Variants in SYN3 observed in about 807,000 individuals in gnomAD.
SYN3 encodes the protein synapsin-3.
Under a neutral mutation model 65.8 loss-of-function variants are expected in SYN3, and 35 were observed. The ratio of observed to expected loss-of-function variants is 0.53; its 90% CI spans 0.41 to 0.70. The LOEUF is 0.70. SYN3 is among the 30% of genes least tolerant of loss of function. The probability of loss-of-function intolerance (pLI) is 0.00; values close to 1 mark genes in which losing one functional copy is unlikely to be tolerated. For missense variants in SYN3, 680 were observed against 749.0 expected, an observed-to-expected ratio of 0.91 and a Z score of 1.08; for synonymous variants, 270 against 292.9, an observed-to-expected ratio of 0.92 and a Z score of 0.80.
At chr22:32,684,360 A>G (rs1272258593) in intron 6 of SYN3, among the ~76,000 whole-genome samples, 7 of 152,176 alleles carry the variant, frequency 4.6e-5, no homozygotes, top group Admixed American at 4.6e-4. Flanking sequence ...ACATCATTTC[A>G]GGTCCTAGAT....
intron 6 of SYN3, among the ~76,000 whole-genome samples, chr22:32,724,896 G>A (rs1466390509): frequency 1.3e-5 from 2 of 152,040 alleles, no homozygotes; most frequent in African/African-American, 2.4e-5. Flanking sequence ...TGAGGTGGGC[G>A]GATCATGAGT....
chr22:32,865,041 G>T (rs1601578100), intron 5 of SYN3, 37 bp from the exon 6 acceptor site: 1 of 1,546,576 alleles, frequency 6.5e-7, no homozygotes, highest in Non-Finnish European at 8.9e-7. Flanking sequence ...ATCAACTATT[G>T]TCACCCAGTA....
intron 4 of SYN3, among the ~76,000 whole-genome samples, chr22:32,882,152 G>A (rs1041480597): frequency 6.6e-6 from 1 of 151,758 alleles, no homozygotes; most frequent in Non-Finnish European, 1.5e-5. Context: ...CAGGTGAAAC[G>A]CCTGATGGTC....
intron 7 of SYN3, among the ~76,000 whole-genome samples, chr22:32,556,125 A>T (rs908127230): frequency 7.2e-5 from 11 of 152,242 alleles, no homozygotes; most frequent in African/African-American, 2.7e-4. Flanking sequence ...TCTTAAGGCC[A>T]AAGAAGTACT....
At chr22:33,015,207 T>TA in intron 1 of SYN3, 1 of 255,634 alleles carries the variant, frequency 3.9e-6, no homozygotes, top group Non-Finnish European at 6.1e-6. Context: ...GGCGACAGAG[T>TA]GAGACTCCGT....
At chr22:32,562,416 A>G (rs1302051217) in intron 7 of SYN3, among the ~76,000 whole-genome samples, 2 of 152,180 alleles carry the variant, frequency 1.3e-5, no homozygotes, top group Non-Finnish European at 2.9e-5. Context: ...AGGGTCTGAG[A>G]ACTCGACCTT....
chr22:32,776,890 C>T (rs934295056), intron 6 of SYN3, among the ~76,000 whole-genome samples: 4 of 152,128 alleles, frequency 2.6e-5, no homozygotes, highest in South Asian at 4.2e-4. Flanking sequence ...CAGCAGGAGC[C>T]GCCCCCTATC....
chr22:32,867,073 T>C (rs192864761), intron 5 of SYN3, among the ~76,000 whole-genome samples: 16 of 152,260 alleles, frequency 1.1e-4, no homozygotes, highest in Admixed American at 3.3e-4. Context: ...ACACAGCTCA[T>C]AAGTGGAGAA....
At chr22:32,927,841 T>G (rs2050516550) in intron 4 of SYN3, among the ~76,000 whole-genome samples, 1 of 152,214 alleles carries the variant, frequency 6.6e-6, no homozygotes, top group African/African-American at 2.4e-5. Context: ...TTGCCATCAT[T>G]CATAAAAGAT....
At chr22:32,863,178 C>G (rs1255441483) in intron 6 of SYN3, 1 of 152,522 alleles carries the variant, frequency 6.6e-6, no homozygotes, top group African/African-American at 2.4e-5. Context: ...CTGGCCCCAC[C>G]CTGCTCCAGT....
At chr22:32,719,250 C>T (rs977060810) in intron 6 of SYN3, among the ~76,000 whole-genome samples, 8 of 152,158 alleles carry the variant, frequency 5.3e-5, no homozygotes, top group African/African-American at 1.4e-4. Flanking sequence ...TCATCTTTTG[C>T]GTCTCAGTTC....
At chr22:32,699,176 C>T (rs913849456) in intron 6 of SYN3, among the ~76,000 whole-genome samples, 1 of 152,194 alleles carries the variant, frequency 6.6e-6, no homozygotes, top group Non-Finnish European at 1.5e-5. Context: ...AGAAAGACTC[C>T]AGGACAACAC....
At chr22:32,598,443 C>T (rs1021707737) in intron 6 of SYN3, among the ~76,000 whole-genome samples, 10 of 152,308 alleles carry the variant, frequency 6.6e-5, no homozygotes, top group Middle Eastern at 6.8e-3. Context: ...TTGAGTTGAA[C>T]AGTTCCCTTT....
At position 32,807,394 on chromosome 22, in the gene SYN3, AAT is replaced by A. The variant is rs367926863; in HGVS notation, c.711+57519_711+57520del. On this transcript the variant is annotated intron_variant, in intron 6 of 13. Transcript: ENST00000358763. ...ATTATATATAATATATATTATATAT[AAT>A]ATATATATATTATATTTACATATAT... 3.3e-3 allele frequency among the ~76,000 whole-genome samples: 333 copies of A among 100,588 alleles called. 3 individuals carry two copies. The highest frequency in any genetic ancestry group is 0.017 in the South Asian group (55 of 3,318). 66.0% of individuals were successfully genotyped at this position (100,588 alleles called of 152,430 possible).
chr22:32,591,499 T>TCGGA, intron 7 of SYN3, among the ~76,000 whole-genome samples: 1 of 152,354 alleles, frequency 6.6e-6, no homozygotes, highest in South Asian at 2.1e-4. Flanking sequence ...TAAGAAGTTC[T>TCGGA]GCGCTAAAAG....
intron 3 of SYN3, among the ~76,000 whole-genome samples, chr22:32,945,006 G>A (rs2146784114): frequency 6.6e-6 from 1 of 152,260 alleles, no homozygotes; most frequent in South Asian, 2.1e-4. Context: ...ATCTCTTCAA[G>A]GAGAACTACA....
intron 6 of SYN3, among the ~76,000 whole-genome samples, chr22:32,632,866 G>T (rs747780316): frequency 9.2e-5 from 14 of 152,196 alleles, no homozygotes; most frequent in Non-Finnish European, 1.6e-4. Context: ...CCCGGGGACC[G>T]CCGTGGATGT....
At chr22:32,712,124 T>C (rs2060974135) in intron 6 of SYN3, among the ~76,000 whole-genome samples, 1 of 152,202 alleles carries the variant, frequency 6.6e-6, no homozygotes, top group Non-Finnish European at 1.5e-5. Flanking sequence ...CCTTGACTCC[T>C]CAATTGAGGC....
chr22:32,773,406 CAAAAAAAAAA>C (rs61583056), intron 6 of SYN3, among the ~76,000 whole-genome samples: 11 of 91,154 alleles, frequency 1.2e-4, no homozygotes, highest in Admixed American at 2.4e-4. Flanking sequence ...GACTCTGTCT[CAAAAAAAAAA>C]AAAAAAAAAA....
Sources: allele counts gnomAD v4.1 joint callset (sites outside exome capture counted in the v4.1 genomes callset), GRCh38; gene constraint gnomAD v4.1.1; transcripts MANE v1.5; gene names NCBI Gene and HGNC (gene_info 2026-07-23, HGNC 2026-07-21).